STAU1: variants seen among roughly 807,000 people sequenced by gnomAD.
The protein encoded by STAU1 is double-stranded RNA-binding protein Staufen homolog 1.
STAU1 carries 13 observed loss-of-function variants against 62.9 expected under a neutral mutation model. The ratio of observed to expected loss-of-function variants is 0.21; its 90% confidence interval spans 0.13 to 0.33. The LOEUF is 0.33. STAU1 is among the 10% of genes least tolerant of loss of function. The pLI is 1.00. For synonymous variants in STAU1, 269 were observed against 265.1 expected (o/e 1.01, Z -0.14); for missense variants, 571 against 712.1 (o/e 0.80, Z 2.25).
At chr20:49,132,149 T>C (rs2092764512) in intron 6 of STAU1, among the ~76,000 whole-genome samples, 2 of 152,030 alleles carry the variant, frequency 1.3e-5, no homozygotes, top group African/African-American at 4.8e-5. Flanking sequence ...CGTGGACTGA[T>C]TTTAAAGAAC....
chr20:49,126,587 A>C (rs148246601), intron 6 of STAU1, among the ~76,000 whole-genome samples: 11 of 62,488 alleles, frequency 1.8e-4, no homozygotes, highest in South Asian at 1.2e-3. Flanking sequence ...AAAAAAAAAA[A>C]CAAAAAAAAA....
chr20:49,196,434 C>CA, the STAU1 span, among the ~76,000 whole-genome samples: 1 of 50,116 alleles, frequency 2.0e-5, no homozygotes, highest in Admixed American at 2.7e-4. Flanking sequence ...GACTCCGTCT[C>CA]AAAACAAAAC....
intron 1 of STAU1, among the ~76,000 whole-genome samples, chr20:49,187,628 A>G (rs943689812): frequency 2.3e-4 from 35 of 152,098 alleles, no homozygotes; most frequent in Admixed American, 2.1e-3. Context: ...ACCAAGACAC[A>G]AAGACTTTTT....
chr20:49,198,701 C>T, the STAU1 span, among the ~76,000 whole-genome samples: 1 of 151,830 alleles, frequency 6.6e-6, no homozygotes, highest in African/African-American at 2.4e-5. Flanking sequence ...CTGTGGCTCC[C>T]GCCTGTAATT....
At position 49,114,068 on chromosome 20, in the gene STAU1, T is replaced by A. The variant is rs1249389913; in HGVS notation, c.*810A>T. Reference sequence around the variant, plus strand: ...TTTGAAAGTCCAGGACTGTTTCAGCTGAACCAGAGGGCACACAATTTGCAT... The same window carrying A: ...TTTGAAAGTCCAGGACTGTTTCAGCAGAACCAGAGGGCACACAATTTGCAT... On this transcript the variant is annotated 3_prime_UTR_variant, in exon 14 of 14. Coordinates refer to ENST00000371856, the MANE Select transcript of STAU1 (RefSeq NM_017453.4). 1 of 152,654 alleles carries A rather than the reference T, an allele frequency of 6.6e-6. No homozygotes were observed. The highest frequency in any genetic ancestry group is 1.5e-5 in the Non-Finnish European group (1 of 68,038). 9.5% of individuals were successfully genotyped at this position (152,654 alleles called of 1,614,324 possible).
the STAU1 span, chr20:49,219,215 G>C: frequency 7.6e-6 from 6 of 787,252 alleles, no homozygotes; most frequent in South Asian, 1.1e-4. Flanking sequence ...TTTGAGGCCG[G>C]AGACAATGGA....
At chr20:49,179,394 T>C (rs539403714) in intron 1 of STAU1, 1 of 152,334 alleles carries the variant, frequency 6.6e-6, no homozygotes, top group South Asian at 2.1e-4. Context: ...AAGTAGTCAC[T>C]TGCTAAACAT....
chr20:49,162,725 G>A (rs1330492062), intron 3 of STAU1, among the ~76,000 whole-genome samples: 5 of 148,656 alleles, frequency 3.4e-5, no homozygotes, highest in African/African-American at 1.2e-4. Context: ...GCAGTGAGCC[G>A]AGACCATGCC....
intron 1 of STAU1, among the ~76,000 whole-genome samples, chr20:49,185,913 G>A (rs1157027488): frequency 6.6e-6 from 1 of 151,382 alleles, no homozygotes; most frequent in Non-Finnish European, 1.5e-5. Context: ...TCTCTCTGTC[G>A]CCCAGGCAAC....
At chr20:49,165,581 C>T (rs1600814984) in intron 3 of STAU1, among the ~76,000 whole-genome samples, 1 of 152,140 alleles carries the variant, frequency 6.6e-6, no homozygotes, top group Non-Finnish European at 1.5e-5. Flanking sequence ...GCTGATCCAC[C>T]TGCCTCAACC....
intron 3 of STAU1, among the ~76,000 whole-genome samples, chr20:49,154,744 C>CG (rs1302606739): frequency 1.3e-5 from 2 of 149,568 alleles, no homozygotes; most frequent in Non-Finnish European, 3.0e-5. Context: ...CGGGTGCCTG[C>CG]AGTCCCAGCT....
At chr20:49,208,523 A>G in the STAU1 span, among the ~76,000 whole-genome samples, 2,317 of 151,146 alleles carry the variant, frequency 0.015, 60 homozygotes, top group South Asian at 0.071. Flanking sequence ...GTATTGCCTG[A>G]GAGTCACTAA....
the STAU1 span, among the ~76,000 whole-genome samples, chr20:49,196,362 G>A: frequency 8.0e-5 from 12 of 149,624 alleles, no homozygotes; most frequent in Admixed American, 8.0e-4. Flanking sequence ...CGTGAACCCC[G>A]GGGGGCGGAG....
the STAU1 span, among the ~76,000 whole-genome samples, chr20:49,198,746 G>A: frequency 2.0e-5 from 3 of 152,026 alleles, no homozygotes; most frequent in East Asian, 1.9e-4. Flanking sequence ...GGCAGATCAC[G>A]AGGTCAGGAG....
intron 3 of STAU1, among the ~76,000 whole-genome samples, chr20:49,158,281 T>A (rs1303488883): frequency 6.6e-6 from 1 of 151,782 alleles, no homozygotes; most frequent in African/African-American, 2.4e-5. Flanking sequence ...TAAAACTCCG[T>A]CTCAAAAAAA....
chr20:49,154,701 T>C (rs762166551), intron 3 of STAU1, among the ~76,000 whole-genome samples: 2 of 151,650 alleles, frequency 1.3e-5, no homozygotes, highest in African/African-American at 2.4e-5. Context: ...CTATCTCTAC[T>C]AAAAAATACA....
rs2092547844 is a variant in STAU1, at chr20:49,124,586, A to G, written c.611T>C (p.Val204Ala). Residue 204 changes from valine (V) to alanine (A), a missense_variant and splice_region_variant, in exon 7 of 14, where the codon GTG (valine) becomes GCG (alanine). By Grantham distance (64) the Val-to-Ala change is moderately conservative (BLOSUM62 0). Transcript: ENST00000371856. ...LKRNLPVNFE[V>A]ARESGPPHMK... The stretch of plus-strand genomic sequence containing the variant: ...GTGGGGTGGGCCACTCTCCCGGGCC[A>G]CCTGTTTCAGAGGGAAAGACTGAGT... The G allele has an allele frequency of 5.0e-6, 8 of 1,613,652 alleles. No homozygotes were observed. The South Asian group carries it at 7.7e-5, about 16-fold the overall frequency.
chr20:49,137,525 T>G (rs1040532279), intron 5 of STAU1, among the ~76,000 whole-genome samples: 4 of 152,188 alleles, frequency 2.6e-5, no homozygotes, highest in African/African-American at 9.7e-5. Context: ...GTCAAAGAAT[T>G]TATAAAGTCC....
At chr20:49,210,524 A>G in the STAU1 span, 1 of 455,800 alleles carries the variant, frequency 2.2e-6, no homozygotes, top group South Asian at 1.5e-5. Context: ...GGAAAATTCT[A>G]CATCACTAGG....
Sources: allele counts gnomAD v4.1 joint callset (sites outside exome capture counted in the v4.1 genomes callset), GRCh38; gene constraint gnomAD v4.1.1; transcripts MANE v1.5; gene names NCBI Gene and HGNC (gene_info 2026-07-23, HGNC 2026-07-21).